DLC1: variants seen among roughly 807,000 people sequenced by gnomAD.
The protein encoded by DLC1 is rho GTPase-activating protein 7.
A neutral mutation model predicts 140.3 loss-of-function variants in DLC1; 54 were observed. The observed-to-expected ratio is 0.38, with a 90% CI of 0.31 to 0.48. The LOEUF (loss-of-function observed/expected upper bound fraction) is 0.48, where lower values mean the gene tolerates loss of function less well. DLC1 is among the 20% of genes least tolerant of loss of function. DLC1 has a pLI of 0.96. For missense variants in DLC1, 2,536 were observed against 1,907.0 expected (o/e 1.33, Z -6.14); for synonymous variants, 986 against 728.1 (o/e 1.35, Z -5.70).
chr8:13,239,673 GA>G (rs1402940321), intron 5 of DLC1, among the ~76,000 whole-genome samples: 5 of 152,204 alleles, frequency 3.3e-5, no homozygotes, highest in African/African-American at 1.2e-4. Context: ...CAGACCTCAA[GA>G]GGGAGATAAT....
intron 5 of DLC1, among the ~76,000 whole-genome samples, chr8:13,225,322 T>A (rs114662035): frequency 0.018 from 2,802 of 152,266 alleles, 98 homozygotes; most frequent in African/African-American, 0.063. Flanking sequence ...ACATTTACAT[T>A]TGAAGATTTC....
intron 2 of DLC1, among the ~76,000 whole-genome samples, chr8:13,405,929 C>CT (rs1218298822): frequency 1.3e-5 from 1 of 78,734 alleles, no homozygotes; most frequent in African/African-American, 5.0e-5. Flanking sequence ...TTCTTTCTTT[C>CT]TTTCTTTCTT....
intron 4 of DLC1, among the ~76,000 whole-genome samples, chr8:13,346,789 G>A (rs1834362040): frequency 1.3e-5 from 2 of 152,088 alleles, no homozygotes; most frequent in Admixed American, 1.3e-4. Flanking sequence ...TCCCACTGTA[G>A]CAGATATTTC....
chr8:13,158,777 CTCTG>C (rs1824458891), intron 5 of DLC1, among the ~76,000 whole-genome samples: 2 of 119,418 alleles, frequency 1.7e-5, no homozygotes, highest in African/African-American at 3.0e-5. Context: ...TCTTTTTTTC[CTCTG>C]TCTTATTTTT....
chr8:13,567,090 G>A (rs755998709), intron 1 of DLC1: 1 of 1,551,760 alleles, frequency 6.4e-7, no homozygotes, highest in Non-Finnish European at 8.7e-7. Flanking sequence ...ATGAGGTACA[G>A]ACTTCCAGCT....
At chr8:13,277,154 T>A (rs1236119390) in intron 5 of DLC1, among the ~76,000 whole-genome samples, 1 of 151,998 alleles carries the variant, frequency 6.6e-6, no homozygotes, top group East Asian at 1.9e-4. Context: ...ACCCCACCCC[T>A]ACAAGAAATT....
intron 4 of DLC1, among the ~76,000 whole-genome samples, chr8:13,391,410 A>T (rs11990728): frequency 0.15 from 23,413 of 152,138 alleles, 1,922 homozygotes; most frequent in South Asian, 0.18. Context: ...ACATATTTTC[A>T]GAAAATATTT....
chr8:13,184,220 G>A (rs897268228), intron 5 of DLC1, among the ~76,000 whole-genome samples: 2 of 151,742 alleles, frequency 1.3e-5, no homozygotes, highest in Non-Finnish European at 2.9e-5. Context: ...TTCTTTATTA[G>A]TCTTGCTAGC....
intron 5 of DLC1, among the ~76,000 whole-genome samples, chr8:13,130,526 T>C (rs756699210): frequency 4.6e-5 from 7 of 152,236 alleles, no homozygotes; most frequent in Non-Finnish European, 1.0e-4. Flanking sequence ...ACAAGGGCTT[T>C]AGGTTGAAGG....
At chr8:13,097,741 G>T (rs1278466692) in intron 10 of DLC1, among the ~76,000 whole-genome samples, 2 of 152,002 alleles carry the variant, frequency 1.3e-5, no homozygotes, top group African/African-American at 4.8e-5. Flanking sequence ...TGGGAAGGAG[G>T]TGCCTATACC....
At chr8:13,134,468 A>G (rs899134295) in intron 5 of DLC1, among the ~76,000 whole-genome samples, 2 of 152,190 alleles carry the variant, frequency 1.3e-5, no homozygotes, top group Admixed American at 1.3e-4. Context: ...AGATATATAG[A>G]GTATGTCTGA....
At chr8:13,360,140 T>C (rs750485865) in intron 4 of DLC1, among the ~76,000 whole-genome samples, 3 of 152,194 alleles carry the variant, frequency 2.0e-5, no homozygotes, top group African/African-American at 7.2e-5. Context: ...TAATTTCATG[T>C]GTCTGAGTTC....
intron 1 of DLC1, among the ~76,000 whole-genome samples, chr8:13,552,111 G>GTATATA (rs3066465): frequency 0.04 from 2,189 of 54,414 alleles, 66 homozygotes; most frequent in African/African-American, 0.053. Flanking sequence ...GTCTAGAGGT[G>GTATATA]TATATATATA....
At chr8:13,568,254 G>T in intron 1 of DLC1, 1 of 252,116 alleles carries the variant, frequency 4.0e-6, no homozygotes. Context: ...AAATGGCTAT[G>T]GGGAATTAAT....
chr8:13,444,140 G>T (rs1174596332), intron 2 of DLC1, among the ~76,000 whole-genome samples: 1 of 151,704 alleles, frequency 6.6e-6, no homozygotes, highest in African/African-American at 2.4e-5. Flanking sequence ...TGAGTTCTTT[G>T]TAGGTTCTGT....
At chr8:13,168,843 C>T (rs1334880286) in intron 5 of DLC1, among the ~76,000 whole-genome samples, 1 of 152,216 alleles carries the variant, frequency 6.6e-6, no homozygotes, top group Non-Finnish European at 1.5e-5. Context: ...GGTCAAAATT[C>T]CCCACAGCAG....
At chr8:13,422,079 G>C (rs981421158) in intron 2 of DLC1, among the ~76,000 whole-genome samples, 1 of 152,092 alleles carries the variant, frequency 6.6e-6, no homozygotes, top group African/African-American at 2.4e-5. Context: ...AACTATGACT[G>C]ATAAATCTTT....
intron 1 of DLC1, among the ~76,000 whole-genome samples, chr8:13,600,918 G>A (rs1028062695): frequency 2.0e-5 from 3 of 151,768 alleles, no homozygotes; most frequent in African/African-American, 7.2e-5. Flanking sequence ...TTTATATGTA[G>A]TATTCATTTT....
At chr8:13,348,687 A>G (rs1834488679) in intron 4 of DLC1, among the ~76,000 whole-genome samples, 1 of 152,222 alleles carries the variant, frequency 6.6e-6, no homozygotes, top group Non-Finnish European at 1.5e-5. Flanking sequence ...GCCCTCTCAA[A>G]ACACATTATA....
Sources: allele counts gnomAD v4.1 joint callset (sites outside exome capture counted in the v4.1 genomes callset), GRCh38; gene constraint gnomAD v4.1.1; transcripts MANE v1.5; gene names NCBI Gene and HGNC (gene_info 2026-07-23, HGNC 2026-07-21).